The following SSH2 variants were observed in gnomAD, a reference collection of about 807,000 sequenced individuals.
The protein encoded by SSH2 is slingshot protein phosphatase 2.
Under a neutral mutation model 135.2 loss-of-function variants are expected in SSH2, and 37 were observed. The ratio of observed to expected loss-of-function variants is 0.27; its 90% CI spans 0.21 to 0.36. SSH2 has a LOEUF of 0.36. SSH2 is among the 10% of genes least tolerant of loss of function. The pLI, the probability that SSH2 is intolerant of heterozygous loss-of-function variation, is 1.00. For missense variants in SSH2, 1,408 were observed against 1,765.3 expected, an observed-to-expected ratio of 0.80 and a Z score of 3.63; for synonymous variants, 628 against 646.2, an observed-to-expected ratio of 0.97 and a Z score of 0.43.
At chr17:29,722,821 G>A (rs924002782) in intron 3 of SSH2, among the ~76,000 whole-genome samples, 1 of 152,230 alleles carries the variant, frequency 6.6e-6, no homozygotes, top group African/African-American at 2.4e-5. Flanking sequence ...ATCTGCCTTT[G>A]TGCAAGACTG....
chr17:29,787,232 G>C (rs934547800), intron 3 of SSH2, among the ~76,000 whole-genome samples: 4 of 152,168 alleles, frequency 2.6e-5, no homozygotes, highest in African/African-American at 9.7e-5. Flanking sequence ...TACAGTATTT[G>C]ACTTTTTGTG....
At chr17:29,712,848 T>A (rs920306677) in intron 3 of SSH2, among the ~76,000 whole-genome samples, 3 of 152,094 alleles carry the variant, frequency 2.0e-5, no homozygotes, top group African/African-American at 7.2e-5. Flanking sequence ...ACAGAGAATC[T>A]AATATATCAA....
chr17:29,825,505 C>T (rs978010245), intron 2 of SSH2, among the ~76,000 whole-genome samples: 1 of 152,152 alleles, frequency 6.6e-6, no homozygotes, highest in African/African-American at 2.4e-5. Context: ...GCCCGTAATA[C>T]TCTAACATGG....
intron 2 of SSH2, among the ~76,000 whole-genome samples, chr17:29,822,775 C>A (rs1034131477): frequency 2.6e-5 from 4 of 152,132 alleles, no homozygotes; most frequent in African/African-American, 9.7e-5. Flanking sequence ...TCTAGTTCTA[C>A]GCAAATATCA....
At chr17:29,805,590 T>C (rs1179139066) in intron 2 of SSH2, among the ~76,000 whole-genome samples, 1 of 152,154 alleles carries the variant, frequency 6.6e-6, no homozygotes, top group Non-Finnish European at 1.5e-5. Flanking sequence ...GCGGATGTGT[T>C]TATCAGCAAA....
At chr17:29,812,235 A>G (rs756233546) in intron 2 of SSH2, among the ~76,000 whole-genome samples, 2 of 151,646 alleles carry the variant, frequency 1.3e-5, no homozygotes, top group African/African-American at 2.4e-5. Context: ...AAAGTATACA[A>G]TTCAATGTTT....
At chr17:29,861,695 CT>C (rs748220400) in intron 1 of SSH2, among the ~76,000 whole-genome samples, 2 of 151,992 alleles carry the variant, frequency 1.3e-5, no homozygotes, top group African/African-American at 2.4e-5. Context: ...TCCCAAGTAG[CT>C]GGGACTACAG....
chr17:29,720,489 G>A (rs919105593), intron 3 of SSH2, among the ~76,000 whole-genome samples: 2 of 152,172 alleles, frequency 1.3e-5, no homozygotes, highest in African/African-American at 4.8e-5. Flanking sequence ...AAACCACGGG[G>A]AACAGAGAAA....
intron 5 of SSH2, among the ~76,000 whole-genome samples, chr17:29,692,208 T>G (rs1285941327): frequency 6.6e-6 from 1 of 151,914 alleles, no homozygotes; most frequent in Admixed American, 6.6e-5. Flanking sequence ...ATCAAACTTT[T>G]AACCTTCTGC....
chr17:29,682,620 AAAAAG>A (rs1000708066), intron 6 of SSH2, among the ~76,000 whole-genome samples: 9 of 152,162 alleles, frequency 5.9e-5, no homozygotes, highest in African/African-American at 1.2e-4. Flanking sequence ...ACAAAAAGGA[AAAAAG>A]AAAAGAAGAG....
intron 2 of SSH2, among the ~76,000 whole-genome samples, chr17:29,804,737 T>C (rs2042309406): frequency 6.6e-6 from 1 of 151,926 alleles, no homozygotes; most frequent in African/African-American, 2.4e-5. Flanking sequence ...AAAGGCACGA[T>C]CATAGCTCAC....
chr17:29,713,371 C>T (rs2039510055), intron 3 of SSH2, among the ~76,000 whole-genome samples: 2 of 152,054 alleles, frequency 1.3e-5, no homozygotes, highest in South Asian at 2.1e-4. Context: ...CCAAAGAAAA[C>T]GCCACTGGTC....
intron 11 of SSH2, among the ~76,000 whole-genome samples, chr17:29,657,574 GTTT>G (rs764763821): frequency 1.5e-4 from 12 of 80,066 alleles, no homozygotes; most frequent in South Asian, 5.1e-4. Flanking sequence ...CGGCTACTTT[GTTT>G]TTTTTTTTTT....
In SSH2 at chr17:29,632,362, G is replaced by T. The variant is rs751501810; in HGVS notation, c.2832C>A (p.Ala944=). 1.4e-5 allele frequency: 23 copies of T among 1,613,862 alleles called. No homozygotes were observed. The highest frequency in any genetic ancestry group is 8.0e-5 in the African/African-American group (6 of 74,888). Residue 944 remains alanine, a synonymous_variant, in exon 16 of 16, where the codon GCC becomes GCA. Transcript: ENST00000540801. ...DLAPKGKSDE[A]PPEHSFVLKE... ...TGAGGACAAATGAATGTTCTGGGGG[G>T]GCTTCATCACTTTTCCCTTTTGGTG...
At chr17:29,760,903 T>A (rs1175275971) in intron 3 of SSH2, among the ~76,000 whole-genome samples, 2 of 151,976 alleles carry the variant, frequency 1.3e-5, no homozygotes, top group African/African-American at 4.8e-5. Flanking sequence ...TCCCTCAAAG[T>A]TAAACGGAAA....
rs1598669036 is a variant in SSH2, at chr17:29,632,410, A to G, written c.2784T>C (p.Asn928=). The stretch of plus-strand genomic sequence containing the variant: ...GTGCTAGGTCTGCCACAGAAGAATC[A>G]TTCTTTGAATTCTTACGAGTGGACA... ...TSLSTRKNSK[N]DSSVADLAPK... Residue 928 remains asparagine (N), a synonymous_variant, in exon 16 of 16, where the codon AAT becomes AAC. Coordinates refer to ENST00000540801, the MANE Select transcript of SSH2 (RefSeq NM_001282129.2). The G allele has an allele frequency of 3.7e-6, 6 of 1,614,166 alleles. No individual in the cohort carries two copies. The East Asian group carries it at 1.3e-4, about 36-fold the overall frequency.
chr17:29,853,755 ATCT>A (rs2065610168), intron 1 of SSH2, among the ~76,000 whole-genome samples: 1 of 151,668 alleles, frequency 6.6e-6, no homozygotes, highest in Admixed American at 6.6e-5. Context: ...AATAACATCG[ATCT>A]ATTAGGGTTG....
intron 1 of SSH2, among the ~76,000 whole-genome samples, chr17:29,866,491 C>T (rs2065858235): frequency 6.6e-6 from 1 of 152,102 alleles, no homozygotes; most frequent in Non-Finnish European, 1.5e-5. Flanking sequence ...CCACAAAAAA[C>T]AACAAGTTAA....
At chr17:29,774,865 A>G (rs763399920) in intron 3 of SSH2, among the ~76,000 whole-genome samples, 7 of 152,146 alleles carry the variant, frequency 4.6e-5, no homozygotes, top group Non-Finnish European at 1.0e-4. Flanking sequence ...AACTCGAATA[A>G]GTTTGACTTG....
Sources: allele counts gnomAD v4.1 joint callset (sites outside exome capture counted in the v4.1 genomes callset), GRCh38; gene constraint gnomAD v4.1.1; transcripts MANE v1.5; gene names NCBI Gene and HGNC (gene_info 2026-07-23, HGNC 2026-07-21).